Variants in FMN2 observed in about 807,000 individuals in gnomAD.
FMN2 encodes formin 2.
In FMN2, 51 loss-of-function variants were observed where a neutral mutation model predicts 142.3. That is an observed-to-expected ratio of 0.36 (90% CI 0.29 to 0.45). FMN2 has a LOEUF of 0.45. FMN2 is among the 20% of genes least tolerant of loss of function. The pLI is 1.00. For synonymous variants in FMN2, 882 were observed against 869.8 expected (o/e 1.01, Z -0.25); for missense variants, 1,936 against 2,122.8 (o/e 0.91, Z 1.73).
At chr1:240,285,808 T>G (rs1217731236) in intron 7 of FMN2, among the ~76,000 whole-genome samples, 1 of 152,144 alleles carries the variant, frequency 6.6e-6, no homozygotes. Context: ...TGAGTGGGTT[T>G]AGGAAGTGAT....
intron 8 of FMN2, among the ~76,000 whole-genome samples, chr1:240,300,283 T>G (rs1352387814): frequency 6.6e-6 from 1 of 152,172 alleles, no homozygotes; most frequent in East Asian, 1.9e-4. Context: ...TCTATGCTAT[T>G]TAATCCCATT....
intron 15 of FMN2, among the ~76,000 whole-genome samples, chr1:240,404,855 G>A (rs772860514): frequency 1.3e-5 from 2 of 152,124 alleles, no homozygotes; most frequent in African/African-American, 2.4e-5. Context: ...TAGCGTTAGC[G>A]CTTTTCAAGT....
At chr1:240,388,227 CAAAAAAAAA>C (rs761610582) in intron 14 of FMN2, among the ~76,000 whole-genome samples, 20 of 6,052 alleles carry the variant, frequency 3.3e-3, no homozygotes, top group Non-Finnish European at 5.0e-3. Context: ...GTGCTCAAAG[CAAAAAAAAA>C]AAAAAAAAAA....
intron 2 of FMN2, among the ~76,000 whole-genome samples, chr1:240,134,393 G>T (rs1330746170): frequency 6.6e-6 from 1 of 152,150 alleles, no homozygotes; most frequent in Non-Finnish European, 1.5e-5. Context: ...GGAAGCTGAG[G>T]CAGGAGGATC....
chr1:240,234,592 C>T (rs1217682573), intron 6 of FMN2, among the ~76,000 whole-genome samples: 1 of 152,104 alleles, frequency 6.6e-6, no homozygotes, highest in Non-Finnish European at 1.5e-5. Context: ...GGACAATAAC[C>T]ACATGATTTC....
chr1:240,233,516 A>T (rs1173434423), intron 6 of FMN2, among the ~76,000 whole-genome samples: 1 of 152,206 alleles, frequency 6.6e-6, no homozygotes, highest in Non-Finnish European at 1.5e-5. Context: ...CACAGAAGTC[A>T]TCTAGAGGAA....
intron 6 of FMN2, among the ~76,000 whole-genome samples, chr1:240,253,454 G>A (rs2102889331): frequency 6.6e-6 from 1 of 151,862 alleles, no homozygotes; most frequent in African/African-American, 2.4e-5. Context: ...TCTTTTTTAC[G>A]ATATCTATCT....
intron 14 of FMN2, among the ~76,000 whole-genome samples, chr1:240,356,732 G>A (rs951323260): frequency 1.3e-5 from 2 of 152,120 alleles, no homozygotes; most frequent in African/African-American, 4.8e-5. Context: ...TGAGACTGAG[G>A]CCAAGAACAC....
rs1225644865 is a variant in FMN2, at chr1:240,123,042, A to G, written c.1616-137A>G. ...CTACAGAGCTTTCTCCTAGCTTGAGAGGCTCCTTTCTGCGCTGTCAGTAGC... is the reference window on the plus strand; with the variant it reads ...CTACAGAGCTTTCTCCTAGCTTGAGGGGCTCCTTTCTGCGCTGTCAGTAGC... On this transcript the variant is annotated intron_variant, in intron 1 of 17. Transcript: ENST00000319653. 7.9e-6 allele frequency: 7 copies of G among 885,444 alleles called. No individual in the cohort carries two copies. The East Asian group carries it at 1.9e-4, about 23-fold the overall frequency. The allele number at this position is 885,444 out of a possible 1,614,324, so 54.8% of individuals were successfully genotyped here.
chr1:240,284,185 A>G (rs1669506763), intron 7 of FMN2, among the ~76,000 whole-genome samples: 1 of 152,190 alleles, frequency 6.6e-6, no homozygotes, highest in Non-Finnish European at 1.5e-5. Flanking sequence ...TTACTGCTGA[A>G]AACAATTTTT....
intron 15 of FMN2, among the ~76,000 whole-genome samples, chr1:240,431,748 T>A (rs1348298887): frequency 6.6e-6 from 1 of 151,740 alleles, no homozygotes. Flanking sequence ...CTTTATTCTA[T>A]AAATGTGGCA....
intron 14 of FMN2, among the ~76,000 whole-genome samples, chr1:240,381,890 G>A (rs1673237474): frequency 6.6e-6 from 1 of 152,194 alleles, no homozygotes; most frequent in Admixed American, 6.5e-5. Flanking sequence ...AAAGATTAAA[G>A]CATTTTCCCT....
chr1:240,185,143 A>C (rs1326224302), intron 3 of FMN2, among the ~76,000 whole-genome samples: 1 of 76,642 alleles, frequency 1.3e-5, no homozygotes, highest in African/African-American at 6.0e-5. Flanking sequence ...TCCCTCCTAT[A>C]CCTTCCCCTT....
chr1:240,360,825 C>T (rs1383690630), intron 14 of FMN2, among the ~76,000 whole-genome samples: 2 of 151,960 alleles, frequency 1.3e-5, no homozygotes, highest in Non-Finnish European at 1.5e-5. Context: ...TTCGTAGGGA[C>T]GTGGATGAAG....
chr1:240,456,504 T>C (rs1007047672), intron 16 of FMN2, among the ~76,000 whole-genome samples: 1 of 152,244 alleles, frequency 6.6e-6, no homozygotes, highest in Non-Finnish European at 1.5e-5. Flanking sequence ...TTGCCCAGGC[T>C]GGAGCGCAAT....
In FMN2 at chr1:240,230,063, C is replaced by T. The variant is rs567704634; in HGVS notation, c.4065+18828C>T. ...CGGCGCAGTGGTTCATGCCTATAAT[C>T]CCAGCCTTTTGGGAGGCTGAGGTGG... On this transcript the variant is annotated intron_variant, in intron 6 of 17. Coordinates refer to ENST00000319653, the MANE Select transcript of FMN2 (RefSeq NM_020066.5). Among the ~76,000 whole-genome samples, 2 of 131,634 alleles carry T rather than the reference C, an allele frequency of 1.5e-5. 1 individual carries two copies. The highest frequency in any genetic ancestry group is 4.7e-4 in the South Asian group (2 of 4,222). The allele number at this position is 131,634 out of a possible 152,430, so 86.4% of individuals were successfully genotyped here.
intron 6 of FMN2, 21 bp downstream of exon 6, chr1:240,211,256 T>C: frequency 6.2e-7 from 1 of 1,605,672 alleles, no homozygotes; most frequent in South Asian, 1.1e-5. Context: ...TTGTGCTTTA[T>C]GAAATTGGAC....
At chr1:240,202,779 C>T (rs1666177073) in intron 4 of FMN2, among the ~76,000 whole-genome samples, 1 of 152,066 alleles carries the variant, frequency 6.6e-6, no homozygotes, top group Admixed American at 6.6e-5. Flanking sequence ...ACTTTTTCCT[C>T]TGTGTGTGTA....
At chr1:240,305,061 C>A (rs531193496) in intron 8 of FMN2, among the ~76,000 whole-genome samples, 1 of 152,218 alleles carries the variant, frequency 6.6e-6, no homozygotes, top group African/African-American at 2.4e-5. Flanking sequence ...TTTTTTCATT[C>A]ATTCTTAATA....
Sources: allele counts gnomAD v4.1 joint callset (sites outside exome capture counted in the v4.1 genomes callset), GRCh38; gene constraint gnomAD v4.1.1; transcripts MANE v1.5; gene names NCBI Gene and HGNC (gene_info 2026-07-23, HGNC 2026-07-21).